UBE3D: variants seen among roughly 807,000 people sequenced by gnomAD.
UBE3D encodes E3 ubiquitin-protein ligase E3D.
Under a neutral mutation model 49.6 loss-of-function variants are expected in UBE3D, and 48 were observed. The ratio of observed to expected loss-of-function variants is 0.97; its 90% confidence interval spans 0.77 to 1.23. The LOEUF (loss-of-function observed/expected upper bound fraction) is 1.23, where lower values mean the gene tolerates loss of function less well. UBE3D is among the 50% of genes most tolerant of loss of function. The probability of loss-of-function intolerance (pLI) is 0.00; values close to 1 mark genes in which losing one functional copy is unlikely to be tolerated. For missense variants in UBE3D, 452 were observed against 468.4 expected, an observed-to-expected ratio of 0.96 and a Z score of 0.32; for synonymous variants, 189 against 174.2, an observed-to-expected ratio of 1.08 and a Z score of -0.67.
chr6:83,052,948 G>A (rs1308694143), intron 3 of UBE3D, among the ~76,000 whole-genome samples: 3 of 152,192 alleles, frequency 2.0e-5, no homozygotes, highest in Non-Finnish European at 2.9e-5. Context: ...TAGAGGCACT[G>A]GGATGGAGGA....
At chr6:82,918,443 G>A (rs556282544) in intron 9 of UBE3D, among the ~76,000 whole-genome samples, 18 of 152,178 alleles carry the variant, frequency 1.2e-4, no homozygotes, top group African/African-American at 4.1e-4. Context: ...GAAAATGATG[G>A]TATCAGGTAT....
intron 3 of UBE3D, among the ~76,000 whole-genome samples, chr6:83,046,175 T>C (rs556173161): frequency 2.6e-5 from 4 of 152,300 alleles, no homozygotes; most frequent in African/African-American, 9.6e-5. Context: ...ACACAAATAC[T>C]AGTAAATTAA....
At chr6:82,943,391 C>T (rs868119956) in intron 9 of UBE3D, among the ~76,000 whole-genome samples, 1 of 152,182 alleles carries the variant, frequency 6.6e-6, no homozygotes, top group African/African-American at 2.4e-5. Flanking sequence ...AATCCTAGCA[C>T]TTTTGAAGCT....
chr6:82,950,145 TG>T (rs1226868749), intron 9 of UBE3D, among the ~76,000 whole-genome samples: 1 of 152,118 alleles, frequency 6.6e-6, no homozygotes, highest in African/African-American at 2.4e-5. Flanking sequence ...AGAATACATA[TG>T]GAGCTCAAAC....
intron 9 of UBE3D, among the ~76,000 whole-genome samples, chr6:82,927,954 A>G (rs759039600): frequency 2.0e-5 from 3 of 152,014 alleles, no homozygotes; most frequent in Non-Finnish European, 2.9e-5. Flanking sequence ...ACTCTGTATG[A>G]TACTATGTTG....
At chr6:82,952,867 A>C (rs1318395730) in intron 9 of UBE3D, among the ~76,000 whole-genome samples, 1 of 152,220 alleles carries the variant, frequency 6.6e-6, no homozygotes, top group Non-Finnish European at 1.5e-5. Context: ...CTTATCTATA[A>C]AAATAAGATT....
intron 5 of UBE3D, among the ~76,000 whole-genome samples, chr6:83,025,472 T>C (rs1781387721): frequency 6.6e-6 from 1 of 151,986 alleles, no homozygotes; most frequent in Non-Finnish European, 1.5e-5. Context: ...TATTTTAAAA[T>C]GATAAGGTGT....
At chr6:83,025,882 TAAAAAAAAAAAAA>T (rs70987730) in intron 5 of UBE3D, among the ~76,000 whole-genome samples, 1 of 90,320 alleles carries the variant, frequency 1.1e-5, no homozygotes, top group South Asian at 4.0e-4. Flanking sequence ...GACTCCATCT[TAAAAAAAAAAAAA>T]AAAAAAAAAA....
intron 8 of UBE3D, among the ~76,000 whole-genome samples, chr6:82,989,640 G>A (rs986522105): frequency 6.6e-6 from 1 of 152,038 alleles, no homozygotes; most frequent in Non-Finnish European, 1.5e-5. Flanking sequence ...AAAGCAGGGC[G>A]AGGTCCCGGA....
intron 7 of UBE3D, 50 bp from the exon 8 acceptor site, chr6:83,019,186 C>T (rs1562191953): frequency 1.3e-6 from 2 of 1,525,364 alleles, no homozygotes; most frequent in Non-Finnish European, 1.8e-6. Context: ...TCACCTTATC[C>T]ATATCTTATG....
At chr6:82,930,078 G>C (rs896469022) in intron 9 of UBE3D, among the ~76,000 whole-genome samples, 6 of 152,142 alleles carry the variant, frequency 3.9e-5, no homozygotes, top group Non-Finnish European at 8.8e-5. Flanking sequence ...AATGGGGGTG[G>C]TGACCCTCAT....
intron 8 of UBE3D, among the ~76,000 whole-genome samples, chr6:82,994,541 G>C (rs562096655): frequency 6.6e-5 from 10 of 152,192 alleles, no homozygotes; most frequent in African/African-American, 2.2e-4. Context: ...CAGAGGCAGG[G>C]GTATGATTGC....
rs34862044 is a variant in UBE3D, at chr6:82,937,315, T to TAACAAAACAA, written c.1149+19987_1149+19996dup. ...TCCCCAGGCTGTTGTTTCCCCCTTC[T>TAACAAAACAA]AACAAAACAAAACAAAACAAACAAA... On this transcript the variant is annotated intron_variant, in intron 9 of 9. Transcript: ENST00000369747. Among the ~76,000 whole-genome samples, 47 of 150,634 alleles carry TAACAAAACAA rather than the reference T, an allele frequency of 3.1e-4. 1 individual carries two copies. The highest frequency in any genetic ancestry group is 1.1e-3 in the South Asian group (5 of 4,748).
chr6:82,887,502 C>T (rs1395932117), downstream of UBE3D, among the ~76,000 whole-genome samples: 4 of 145,944 alleles, frequency 2.7e-5, no homozygotes, highest in African/African-American at 7.7e-5. Context: ...TGAGGTCAGG[C>T]GCTCGAGACC....
At position 83,012,764 on chromosome 6, in the gene UBE3D, A is replaced by G. The variant is rs558864284; in HGVS notation, c.1010+6209T>C. On this transcript the variant is annotated intron_variant, in intron 8 of 9. Transcript: ENST00000369747. Reference sequence around the variant, plus strand: ...CATTGGCTACAGCCCATGCATCAGTATATAATTGCACATCTGGCCATTTCT... The same window carrying G: ...CATTGGCTACAGCCCATGCATCAGTGTATAATTGCACATCTGGCCATTTCT... 6.6e-5 allele frequency among the ~76,000 whole-genome samples: 10 copies of G among 152,282 alleles called. 1 individual carries two copies. In the South Asian group the frequency reaches 2.1e-3, roughly 32 times the overall value.
At chr6:82,894,431 C>T (rs1042158013) in intron 9 of UBE3D, among the ~76,000 whole-genome samples, 20 of 152,132 alleles carry the variant, frequency 1.3e-4, no homozygotes, top group African/African-American at 4.6e-4. Context: ...AATATCCTGC[C>T]GGGCGGTAAG....
intron 9 of UBE3D, among the ~76,000 whole-genome samples, chr6:82,935,657 C>T (rs1224971307): frequency 6.6e-6 from 1 of 152,030 alleles, no homozygotes. Flanking sequence ...TAAAATCTTA[C>T]AGGCCAGCAG....
At chr6:83,065,072 G>A (rs1021160693) in intron 1 of UBE3D, among the ~76,000 whole-genome samples, 3 of 152,206 alleles carry the variant, frequency 2.0e-5, no homozygotes, top group African/African-American at 7.2e-5. Flanking sequence ...CTGGAAGGAA[G>A]AATATGAATA....
At chr6:83,034,084 T>C (rs1024214058) in intron 5 of UBE3D, among the ~76,000 whole-genome samples, 8 of 152,220 alleles carry the variant, frequency 5.3e-5, no homozygotes, top group African/African-American at 1.9e-4. Flanking sequence ...CCTAATATGG[T>C]TCTTATTAAT....
Sources: gnomAD v4.1 joint callset for allele counts (sites outside exome capture counted in the v4.1 genomes callset) on GRCh38, gnomAD v4.1.1 for gene constraint, MANE v1.5 for transcripts, NCBI Gene and HGNC (gene_info 2026-07-23, HGNC 2026-07-21) for gene names.